CEP290: variants seen among roughly 807,000 people sequenced by gnomAD.
CEP290 encodes centrosomal protein of 290 kDa.
A neutral mutation model predicts 344.9 loss-of-function variants in CEP290; 317 were observed. The ratio of observed to expected loss-of-function variants is 0.92; its 90% CI spans 0.84 to 1.01. CEP290 has a LOEUF of 1.01. Among genes scored for constraint, CEP290 ranks in the 50% least tolerant of loss-of-function variants. The probability of loss-of-function intolerance (pLI) is 0.00; values close to 1 mark genes in which losing one functional copy is unlikely to be tolerated. For synonymous variants in CEP290, 932 were observed against 895.8 expected, an observed-to-expected ratio of 1.04 and a Z score of -0.72; for missense variants, 2,754 against 2,761.4, an observed-to-expected ratio of 1.00 and a Z score of 0.06.
At position 88,079,178 on chromosome 12, in the gene CEP290, C is replaced by T; in HGVS notation, c.5278G>A (p.Glu1760Lys). The part of the protein sequence containing the change: ...ELRAEMTAAA[E>K]ERIISATSQK... ...GAAGTTGCAGAAATAATACGTTCTT[C>T]AGCAGCTGCTGTCATTTCTGCCCGG... Residue 1760 changes from glutamate to lysine, a missense_variant, in exon 39 of 54, where the codon GAA (glutamate) becomes AAA (lysine). By Grantham distance (56) the Glu-to-Lys change is moderately conservative. Transcript: ENST00000552810. The T allele has an allele frequency of 6.2e-7, 1 of 1,601,744 alleles. No individual in the cohort carries two copies. Among genetic ancestry groups the T allele is most frequent in the Non-Finnish European group, 8.5e-7 (1 of 1,175,370 alleles).
chr12:88,078,332 A>G (rs2035939020), intron 39 of CEP290, among the ~76,000 whole-genome samples: 1 of 152,150 alleles, frequency 6.6e-6, no homozygotes, highest in African/African-American at 2.4e-5. Context: ...GTTTACAAAG[A>G]TAAGATATAA....
chr12:88,067,495 T>C (rs893356845), intron 44 of CEP290, among the ~76,000 whole-genome samples: 1 of 151,636 alleles, frequency 6.6e-6, no homozygotes, highest in Non-Finnish European at 1.5e-5. Context: ...CACCCTCAGC[T>C]CACTAAGCCA....
chr12:88,080,051 A>G, intron 38 of CEP290, 131 bp downstream of exon 38: 1 of 650,122 alleles, frequency 1.5e-6, no homozygotes, highest in Non-Finnish European at 2.6e-6. Flanking sequence ...TAACAGCATA[A>G]GATAAAGCTC....
rs771123241 is a variant in CEP290 at position 88,058,996 on chromosome 12, G to A, written c.6670C>T (p.Arg2224Trp). The change falls in exon 49 of 54, where the codon CGG becomes TGG. Residue 2224 changes from arginine (R) to tryptophan (W), a missense_variant. Arg to Trp is a moderately radical substitution (Grantham distance 101). Coordinates refer to ENST00000552810, the MANE Select transcript of CEP290 (RefSeq NM_025114.4). ...ATCTCTAAATTATTCTTTGCTATCC[G>A]TAATTTCTCTGCAGCATCAGTTTCC... ...KKETDAAEKLRIAKNNLEILN... is the reference protein window; with the variant it reads ...KKETDAAEKLWIAKNNLEILN... The A allele has an allele frequency of 1.9e-5, 30 of 1,610,520 alleles. No homozygotes were observed. The highest frequency in any genetic ancestry group is 1.4e-4 in the South Asian group (13 of 90,278).
chr12:88,115,929 A>T (rs1473829169), intron 18 of CEP290: 1 of 984,622 alleles, frequency 1.0e-6, no homozygotes, highest in East Asian at 1.1e-4. Context: ...TTCACTTTTT[A>T]TTATATCTTC....
intron 13 of CEP290, among the ~76,000 whole-genome samples, chr12:88,122,304 T>C (rs2039453034): frequency 6.6e-6 from 1 of 152,150 alleles, no homozygotes; most frequent in African/African-American, 2.4e-5. Context: ...TGCTTTTAAC[T>C]CTTGCCCCTC....
At chr12:88,053,384 C>G (rs550849608) in intron 52 of CEP290, among the ~76,000 whole-genome samples, 12 of 152,176 alleles carry the variant, frequency 7.9e-5, no homozygotes, top group Non-Finnish European at 1.6e-4. Context: ...TTGCTTAGCA[C>G]TGTATTGTGA....
rs1251883174 is a variant in CEP290 at position 88,063,986 on chromosome 12, A to T, written c.6265T>A (p.Leu2089Ile). Reference protein sequence around the residue: ...LEQANKDLPRLKNQVRDLKEM... With the variant: ...LEQANKDLPRIKNQVRDLKEM... Reference sequence around the variant, plus strand: ...ATAAAAAACATTAAATTCACCTTTAATCTTGGCAAATCTTTATTTGCTTGT... The same window carrying T: ...ATAAAAAACATTAAATTCACCTTTATTCTTGGCAAATCTTTATTTGCTTGT... The change falls in exon 45 of 54, where the codon TTA becomes ATA. Residue 2089 changes from leucine to isoleucine, a missense_variant. Physicochemically the swap from Leu to Ile is conservative, Grantham distance 5. Coordinates refer to ENST00000552810, the MANE Select transcript of CEP290 (RefSeq NM_025114.4). The T allele has an allele frequency of 7.5e-6, 12 of 1,594,762 alleles. No homozygotes were observed. Among genetic ancestry groups the T allele is most frequent in the Non-Finnish European group, 1.0e-5 (12 of 1,171,552 alleles).
intron 41 of CEP290, among the ~76,000 whole-genome samples, chr12:88,074,987 A>T (rs1212807920): frequency 1.3e-5 from 2 of 152,138 alleles, no homozygotes; most frequent in African/African-American, 4.8e-5. Flanking sequence ...TCTGTGAGCC[A>T]CTCCAGGAAA....
intron 46 of CEP290, among the ~76,000 whole-genome samples, chr12:88,062,418 C>A (rs116274161): frequency 2.6e-5 from 4 of 152,190 alleles, no homozygotes; most frequent in African/African-American, 9.6e-5. Flanking sequence ...CAGTTACCTC[C>A]ATAAACAAAA....
Position 88,107,061 on chromosome 12 carries a change from T to C in CEP290, c.2521A>G (p.Lys841Glu). 1 of 1,554,020 alleles carries C rather than the reference T, an allele frequency of 6.4e-7. No homozygotes were observed. The highest frequency in any genetic ancestry group is 8.7e-7 in the Non-Finnish European group (1 of 1,150,478). Residue 841 changes from lysine to glutamate, a missense_variant, in exon 24 of 54, where the codon AAA becomes GAA. By Grantham distance (56) the Lys-to-Glu change is moderately conservative (BLOSUM62 1). Transcript: ENST00000552810. ...ETWKTESKTIKEEKRKLEDQV... is the reference protein window; with the variant it reads ...ETWKTESKTIEEEKRKLEDQV... ...TCCTCAAGTTTTCTCTTTTCCTCTT[T>C]TATTGTTTTAGATTCTGTTTTCCAG... is the stretch of plus-strand genomic sequence containing the variant.
chr12:88,132,401 G>A lies in CEP290; in HGVS notation c.442-1183C>T, dbSNP rs1248156713. Reference sequence around the variant, plus strand: ...GATATTGGAGGTGGGGAGACTGAAGGATATTATTGGGCCATTAGAAGAAAT... The same window carrying A: ...GATATTGGAGGTGGGGAGACTGAAGAATATTATTGGGCCATTAGAAGAAAT... On this transcript the variant is annotated intron_variant, in intron 6 of 53. Coordinates refer to ENST00000552810, the MANE Select transcript of CEP290 (RefSeq NM_025114.4). Among the ~76,000 whole-genome samples, 4 of 152,128 alleles carry A rather than the reference G, an allele frequency of 2.6e-5. No individual in the cohort carries two copies. In the South Asian group the frequency reaches 8.3e-4, roughly 32 times the overall value.
rs1337960015 is a variant in CEP290 at position 88,055,643 on chromosome 12, T to A, written c.6893A>T (p.Gln2298Leu). The change falls in exon 50 of 54, where the codon CAG becomes CTG. Residue 2298 changes from glutamine to leucine, a missense_variant. Physicochemically the swap from Gln to Leu is moderately radical, Grantham distance 113. Coordinates refer to ENST00000552810, the MANE Select transcript of CEP290 (RefSeq NM_025114.4). ...KKNQSITDLK[Q>L]LVKEATEREQ... Reference sequence around the variant, plus strand: ...TCTCTCTGTTGCTTCTTTTACAAGCTGTTTAAGGTCAGTAATGCTTTGATT... The same window carrying A: ...TCTCTCTGTTGCTTCTTTTACAAGCAGTTTAAGGTCAGTAATGCTTTGATT... The A allele has an allele frequency of 6.4e-7, 1 of 1,572,054 alleles. No individual in the cohort carries two copies. Among genetic ancestry groups the A allele is most frequent in the Non-Finnish European group, 8.6e-7 (1 of 1,158,348 alleles).
At chr12:88,069,932 A>G (rs960361889) in intron 43 of CEP290, among the ~76,000 whole-genome samples, 3 of 152,216 alleles carry the variant, frequency 2.0e-5, no homozygotes, top group African/African-American at 7.2e-5. Context: ...CGTAAAACCA[A>G]CTGAAGTTTA....
intron 53 of CEP290, chr12:88,050,002 A>G (rs2033335074): frequency 1.1e-5 from 2 of 189,006 alleles, no homozygotes; most frequent in Non-Finnish European, 2.1e-5. Flanking sequence ...AAGAGGTAAA[A>G]CAGCAAATAT....
At chr12:88,091,037 T>TA (rs1488460023) in intron 29 of CEP290, among the ~76,000 whole-genome samples, 198 bp from the exon 30 acceptor site, 2 of 152,046 alleles carry the variant, frequency 1.3e-5, no homozygotes, top group Non-Finnish European at 1.5e-5. Flanking sequence ...GTTTGCTATA[T>TA]AAAAAAAACT....
chr12:88,079,325 C>A, intron 38 of CEP290, 96 bp from the exon 39 acceptor site: 2 of 941,430 alleles, frequency 2.1e-6, no homozygotes, highest in South Asian at 1.9e-5. Flanking sequence ...TTATTACTTC[C>A]TACTATTTTT....
intron 23 of CEP290, among the ~76,000 whole-genome samples, chr12:88,107,892 A>T (rs929177307): frequency 6.6e-6 from 1 of 150,404 alleles, no homozygotes; most frequent in Non-Finnish European, 1.5e-5. Flanking sequence ...ACAGAGCAAG[A>T]CTCTGTCTCA....
At chr12:88,075,387 G>C (rs2035687471) in intron 41 of CEP290, among the ~76,000 whole-genome samples, 1 of 152,090 alleles carries the variant, frequency 6.6e-6, no homozygotes, top group Non-Finnish European at 1.5e-5. Context: ...CGTATGCATA[G>C]ATTTCAGAAT....
Sources: allele counts gnomAD v4.1 joint callset (sites outside exome capture counted in the v4.1 genomes callset), GRCh38; gene constraint gnomAD v4.1.1; transcripts MANE v1.5; gene names NCBI Gene and HGNC (gene_info 2026-07-23, HGNC 2026-07-21).